The following FBXL2 variants were observed in gnomAD, a reference collection of about 807,000 sequenced individuals.
FBXL2 encodes F-box and leucine rich repeat protein 2.
A neutral mutation model predicts 69.2 loss-of-function variants in FBXL2; 38 were observed. The observed-to-expected ratio is 0.55, with a 90% CI of 0.42 to 0.72. FBXL2 has a LOEUF of 0.72. Among genes scored for constraint, FBXL2 ranks in the 30% least tolerant of loss-of-function variants. The pLI, the probability that FBXL2 is intolerant of heterozygous loss-of-function variation, is 0.00. For missense variants in FBXL2, 354 were observed against 520.3 expected (o/e 0.68, Z 3.11); for synonymous variants, 192 against 201.3 (o/e 0.95, Z 0.39).
chr3:33,370,259 A>G (rs1473375780), intron 5 of FBXL2, among the ~76,000 whole-genome samples: 3 of 148,856 alleles, frequency 2.0e-5, no homozygotes, highest in African/African-American at 4.9e-5. Flanking sequence ...CTAAAAATAC[A>G]AAAAAAAAAT....
intron 12 of FBXL2, among the ~76,000 whole-genome samples, chr3:33,399,608 T>C (rs1479700159): frequency 6.6e-6 from 1 of 152,194 alleles, no homozygotes. Context: ...GACAAAATTA[T>C]AGACAGAATG....
intron 5 of FBXL2, among the ~76,000 whole-genome samples, chr3:33,371,707 C>A (rs1477959710): frequency 6.6e-6 from 1 of 152,020 alleles, no homozygotes; most frequent in African/African-American, 2.4e-5. Flanking sequence ...TTGTTCAATG[C>A]CAGACATTTT....
intron 2 of FBXL2, among the ~76,000 whole-genome samples, chr3:33,337,245 A>T (rs1245025769): frequency 6.6e-6 from 1 of 152,092 alleles, no homozygotes; most frequent in African/African-American, 2.4e-5. Context: ...AGATAATGTG[A>T]AAGGACAGAG....
chr3:33,322,364 TA>T (rs1203015423), intron 2 of FBXL2, among the ~76,000 whole-genome samples: 1 of 152,024 alleles, frequency 6.6e-6, no homozygotes, highest in East Asian at 1.9e-4. Flanking sequence ...AGGCGTGAGC[TA>T]CGGCGCCTGG....
At chr3:33,295,534 T>C (rs937259457) in intron 1 of FBXL2, among the ~76,000 whole-genome samples, 5 of 152,236 alleles carry the variant, frequency 3.3e-5, no homozygotes, top group African/African-American at 1.2e-4. Context: ...TTAAGAGTAA[T>C]GCTGCTATGA....
At chr3:33,337,153 C>T (rs1041841130) in intron 2 of FBXL2, among the ~76,000 whole-genome samples, 10 of 152,002 alleles carry the variant, frequency 6.6e-5, no homozygotes, top group African/African-American at 2.2e-4. Flanking sequence ...TGCAGTGAGC[C>T]GAGATTGCGC....
intron 1 of FBXL2, among the ~76,000 whole-genome samples, chr3:33,288,342 G>A (rs540927220): frequency 6.6e-5 from 10 of 152,300 alleles, no homozygotes; most frequent in African/African-American, 1.2e-4. Flanking sequence ...CCAGCAGTGC[G>A]CAAACCGAGT....
chr3:33,359,842 A>C (rs1257661642), intron 4 of FBXL2, among the ~76,000 whole-genome samples: 1 of 152,166 alleles, frequency 6.6e-6, no homozygotes, highest in East Asian at 1.9e-4. Flanking sequence ...TAAAGTAATA[A>C]TTAAGTCTTA....
chr3:33,380,130 CAG>C lies in FBXL2; in HGVS notation c.951+1390_951+1391del, dbSNP rs534543514. Among the ~76,000 whole-genome samples the C allele has an allele frequency of 1.9e-4, 28 of 149,894 alleles. 2 individuals carry two copies. The South Asian group carries it at 4.2e-3, about 22-fold the overall frequency. ...GTCCCAGCTACTCTGGAGGCTGAGA[CAG>C]GGGAACTGCTTGAACCTGGGAGGCG... On this transcript the variant is annotated intron_variant, in intron 13 of 14. Coordinates refer to ENST00000484457, the MANE Select transcript of FBXL2 (RefSeq NM_012157.5).
intron 2 of FBXL2, among the ~76,000 whole-genome samples, chr3:33,336,702 C>T (rs575284284): frequency 1.3e-5 from 2 of 151,536 alleles, no homozygotes; most frequent in African/African-American, 2.4e-5. Context: ...GCCAAGAGAT[C>T]GAGACCATCC....
At chr3:33,341,855 A>C (rs1365777390) in intron 2 of FBXL2, among the ~76,000 whole-genome samples, 1 of 129,280 alleles carries the variant, frequency 7.7e-6, no homozygotes, top group African/African-American at 2.8e-5. Context: ...AAAAAAAAAA[A>C]GGACAGGTGA....
chr3:33,350,052 T>A (rs2040723232), intron 2 of FBXL2, among the ~76,000 whole-genome samples: 1 of 152,088 alleles, frequency 6.6e-6, no homozygotes, highest in Admixed American at 6.6e-5. Context: ...GGGTGCCCAG[T>A]GTTACTATAA....
At chr3:33,412,920 A>G in the FBXL2 span, 1 of 801,182 alleles carries the variant, frequency 1.2e-6, no homozygotes, top group East Asian at 2.5e-5. Context: ...CTGTAGCAGT[A>G]GAACACATAC....
intron 1 of FBXL2, among the ~76,000 whole-genome samples, chr3:33,290,722 G>C (rs2035139240): frequency 6.6e-6 from 1 of 152,178 alleles, no homozygotes; most frequent in Non-Finnish European, 1.5e-5. Context: ...AAATTGTCTA[G>C]TATATACCTG....
At chr3:33,414,822 C>A in the FBXL2 span, among the ~76,000 whole-genome samples, 8 of 151,964 alleles carry the variant, frequency 5.3e-5, no homozygotes, top group Non-Finnish European at 8.8e-5. Context: ...AAAAATGAAC[C>A]CTTTTCAATC....
Position 33,312,215 on chromosome 3 carries a change from C to A in FBXL2, c.65+14490C>A, listed in dbSNP as rs180716241. Among the ~76,000 whole-genome samples the A allele has an allele frequency of 2.0e-3, 300 of 152,144 alleles. 1 individual carries two copies. The highest frequency in any genetic ancestry group is 3.6e-3 in the Non-Finnish European group (242 of 67,996). On this transcript the variant is annotated intron_variant, in intron 2 of 14. Transcript: ENST00000484457. Reference sequence around the variant, plus strand: ...GGGACCACAGGAGCGTGCCACCACACCTGGCTAATTTTTAAATTTTTTTGT... The same window carrying A: ...GGGACCACAGGAGCGTGCCACCACAACTGGCTAATTTTTAAATTTTTTTGT...
chr3:33,328,241 C>T (rs2038862753), intron 2 of FBXL2, among the ~76,000 whole-genome samples: 1 of 152,040 alleles, frequency 6.6e-6, no homozygotes, highest in African/African-American at 2.4e-5. Context: ...GCTCATGGAT[C>T]AGAAGAATTA....
At chr3:33,279,784 A>T (rs978089832) in intron 1 of FBXL2, among the ~76,000 whole-genome samples, 47 of 152,222 alleles carry the variant, frequency 3.1e-4, no homozygotes, top group Non-Finnish European at 3.2e-4. Context: ...GGCAGTAGAA[A>T]TTTTTCTAAG....
chr3:33,408,598 A>G, downstream of FBXL2: 1 of 997,028 alleles, frequency 1.0e-6, no homozygotes, highest in South Asian at 1.9e-5. Flanking sequence ...ATCAAAAACA[A>G]TTTTGGCTTT....
Sources: allele counts gnomAD v4.1 joint callset (sites outside exome capture counted in the v4.1 genomes callset), GRCh38; gene constraint gnomAD v4.1.1; transcripts MANE v1.5; gene names NCBI Gene and HGNC (gene_info 2026-07-23, HGNC 2026-07-21).